Variants in PGBD2 observed in about 807,000 individuals in gnomAD.
PGBD2 encodes piggyBac transposable element-derived protein 2.
PGBD2 carries 6 observed loss-of-function variants against 8.1 expected under a neutral mutation model. The ratio of observed to expected loss-of-function variants is 0.74; its 90% CI spans 0.40 to 1.46. The LOEUF is 1.46. Among genes scored for constraint, PGBD2 ranks in the 40% most tolerant of loss-of-function variants. The pLI, the probability that PGBD2 is intolerant of heterozygous loss-of-function variation, is 0.02. For synonymous variants in PGBD2, 318 were observed against 272.2 expected, an observed-to-expected ratio of 1.17 and a Z score of -1.66; for missense variants, 802 against 739.0, an observed-to-expected ratio of 1.09 and a Z score of -0.99.
At chr1:248,882,970 T>C in the PGBD2 span, among the ~76,000 whole-genome samples, 35 of 152,306 alleles carry the variant, frequency 2.3e-4, no homozygotes, top group Admixed American at 4.6e-4. Flanking sequence ...GAAAGCTTAC[T>C]TGTGATCCAG....
Position 248,918,468 on chromosome 1 carries a change from A to G in PGBD2, c.*105A>G. On this transcript the variant is annotated 3_prime_UTR_variant, in exon 3 of 3. Transcript: ENST00000329291. ...TGTTGGAAAAAAGACCTGAATTTCT[A>G]ATGACTTGATTTTCTATTTTCTCCC... is the stretch of plus-strand genomic sequence containing the variant. 8.6e-7 allele frequency: 1 copy of G among 1,168,472 alleles called. No individual in the cohort carries two copies. The allele number at this position is 1,168,472 out of a possible 1,614,324, so 72.4% of individuals were successfully genotyped here. A position where few individuals can be genotyped will look rare whatever the true frequency, so the allele number is the denominator to read the frequency against.
chr1:248,913,114 T>G (rs1002898373), intron 1 of PGBD2, among the ~76,000 whole-genome samples: 1 of 152,066 alleles, frequency 6.6e-6, no homozygotes, highest in Non-Finnish European at 1.5e-5. Context: ...AGCACTCAGA[T>G]TTTATAAAAA....
At chr1:248,927,425 C>T in the PGBD2 span, among the ~76,000 whole-genome samples, 1 of 152,158 alleles carries the variant, frequency 6.6e-6, no homozygotes, top group African/African-American at 2.4e-5. Context: ...ATGCAGAAGG[C>T]AATAGGTAGC....
the PGBD2 span, among the ~76,000 whole-genome samples, chr1:248,873,915 T>C: frequency 2.6e-5 from 4 of 152,308 alleles, no homozygotes; most frequent in South Asian, 4.1e-4. Context: ...CCTGCGGGCT[T>C]TCTGGTCTCC....
the PGBD2 span, among the ~76,000 whole-genome samples, chr1:248,883,584 C>CTTTTT: frequency 4.9e-4 from 44 of 89,140 alleles, 2 homozygotes; most frequent in African/African-American, 7.2e-4. Context: ...TTTTTTTTTT[C>CTTTTT]TTTTTTTTTT....
At chr1:248,923,500 G>T (rs138823577), downstream of PGBD2, among the ~76,000 whole-genome samples, 286 of 152,084 alleles carry the variant, frequency 1.9e-3, 1 homozygote, top group African/African-American at 6.7e-3. Flanking sequence ...TCGCATCATC[G>T]TTTACATGGA....
At chr1:248,882,927 T>C in the PGBD2 span, among the ~76,000 whole-genome samples, 1 of 152,174 alleles carries the variant, frequency 6.6e-6, no homozygotes. Flanking sequence ...TCCCTACAAA[T>C]GTTTATGTCA....
downstream of PGBD2, among the ~76,000 whole-genome samples, chr1:248,922,040 A>C (rs1662295496): frequency 6.6e-6 from 1 of 151,332 alleles, no homozygotes; most frequent in Non-Finnish European, 1.5e-5. Flanking sequence ...GACTGAGACA[A>C]TGGGGTTTTC....
At chr1:248,908,708 A>G (rs1269632400) in intron 1 of PGBD2, among the ~76,000 whole-genome samples, 37 of 146,720 alleles carry the variant, frequency 2.5e-4, no homozygotes, top group East Asian at 4.0e-4. Flanking sequence ...TAAACTTCCC[A>G]TAGCTCTTAT....
chr1:248,873,327 C>T, the PGBD2 span, among the ~76,000 whole-genome samples: 2 of 152,206 alleles, frequency 1.3e-5, no homozygotes, highest in African/African-American at 4.8e-5. Flanking sequence ...TAGGACCTCC[C>T]GATCCGGCCG....
the PGBD2 span, among the ~76,000 whole-genome samples, chr1:248,873,898 C>T: frequency 7.9e-5 from 12 of 152,206 alleles, no homozygotes; most frequent in African/African-American, 4.8e-5. Context: ...TCAAGGTAAG[C>T]ACCTTGCCTG....
Position 248,908,474 on chromosome 1 carries a change from AC to A in PGBD2, c.-48+2137del, listed in dbSNP as rs149486146. On this transcript the variant is annotated intron_variant, in intron 1 of 2. Transcript: ENST00000329291. ...CCCGATCAGCTTTCTCCCCTGCCCT[AC>A]CCCCTCAACCAATTATCCAGGCTTG... Among the ~76,000 whole-genome samples the A allele has an allele frequency of 4.7e-3, 682 of 145,484 alleles. 19 individuals carry two copies. The East Asian group carries it at 0.081, about 17-fold the overall frequency.
chr1:248,918,189 G>A lies in PGBD2; in HGVS notation c.1605G>A (p.Gly535=), dbSNP rs767663451. ...LESNADTTSQ[G]RRSRRLETES... ...GCAATGCTGACACAACATCTCAAGG[G>A]AGGCGAAGCAGGCGGTTGGAGACTG... is the stretch of plus-strand genomic sequence containing the variant. The change falls in exon 3 of 3, where the codon GGG becomes GGA. Residue 535 remains glycine, a synonymous_variant. Coordinates refer to ENST00000329291, the MANE Select transcript of PGBD2 (RefSeq NM_170725.3). 2 of 1,614,182 alleles carry A rather than the reference G, an allele frequency of 1.2e-6. No homozygotes were observed. The highest frequency in any genetic ancestry group is 3.3e-5 in the Admixed American group (2 of 60,026).
Position 248,918,342 on chromosome 1 carries a change from C to T in PGBD2, c.1758C>T (p.Phe586=), listed in dbSNP as rs1362488261. 2 of 1,560,144 alleles carry T rather than the reference C, an allele frequency of 1.3e-6. No homozygotes were observed. Among genetic ancestry groups the T allele is most frequent in the Non-Finnish European group, 1.7e-6 (2 of 1,153,788 alleles). The stretch of plus-strand genomic sequence containing the variant: ...AGAAGGGTGTCCATGCCAAATGCTT[C>T]AGGGAGTACCACATCCGGTGACATC... ...KCQKGVHAKC[F]REYHIR The change falls in exon 3 of 3, where the codon TTC becomes TTT. Residue 586 remains phenylalanine (F), a synonymous_variant. Coordinates refer to ENST00000329291, the MANE Select transcript of PGBD2 (RefSeq NM_170725.3).
At chr1:248,874,370 C>CT in the PGBD2 span, among the ~76,000 whole-genome samples, 1 of 152,130 alleles carries the variant, frequency 6.6e-6, no homozygotes, top group East Asian at 1.9e-4. Context: ...GGTGATGTTC[C>CT]CAGAGTCAGC....
chr1:248,904,662 A>G (rs536929045), upstream of PGBD2, among the ~76,000 whole-genome samples: 3 of 152,340 alleles, frequency 2.0e-5, no homozygotes, highest in South Asian at 2.1e-4. Context: ...GCATTTGCAC[A>G]TGCCATTCTC....
downstream of PGBD2, among the ~76,000 whole-genome samples, chr1:248,920,714 G>A (rs28826095): frequency 0.11 from 16,004 of 152,082 alleles, 1,755 homozygotes; most frequent in African/African-American, 0.28. Context: ...TTAAGGAATC[G>A]CCACACTGTC....
rs770761590 is a variant in PGBD2, at chr1:248,913,813, C to G, written c.-47-3C>G. 2 of 1,503,700 alleles carry G rather than the reference C, an allele frequency of 1.3e-6. No homozygotes were observed. Among genetic ancestry groups the G allele is most frequent in the Admixed American group, 3.4e-5 (2 of 58,480 alleles). The allele number at this position is 1,503,700 out of a possible 1,614,324, so 93.1% of individuals were successfully genotyped here. Reference sequence around the variant, plus strand: ...TTTTAAATTGACTTTTCTTGTCTTACAGGTTCTTAGACTCTGTGAGTAAAG... The same window carrying G: ...TTTTAAATTGACTTTTCTTGTCTTAGAGGTTCTTAGACTCTGTGAGTAAAG... On this transcript the variant is annotated splice_region_variant and splice_polypyrimidine_tract_variant and intron_variant, in intron 1 of 2. Coordinates refer to ENST00000329291, the MANE Select transcript of PGBD2 (RefSeq NM_170725.3).
the PGBD2 span, among the ~76,000 whole-genome samples, chr1:248,874,947 T>A: frequency 4.0e-5 from 6 of 148,254 alleles, no homozygotes; most frequent in Non-Finnish European, 6.0e-5. Flanking sequence ...GATAGATAGA[T>A]AGATAGATAG....
Sources: gnomAD v4.1 joint callset for allele counts (sites outside exome capture counted in the v4.1 genomes callset) on GRCh38, gnomAD v4.1.1 for gene constraint, MANE v1.5 for transcripts, NCBI Gene and HGNC (gene_info 2026-07-23, HGNC 2026-07-21) for gene names.